The following MAML2 variants were observed in gnomAD, a reference collection of about 807,000 sequenced individuals.
The protein encoded by MAML2 is mastermind-like protein 2.
A neutral mutation model predicts 96.1 loss-of-function variants in MAML2; 22 were observed. The observed-to-expected ratio is 0.23, with a 90% CI of 0.16 to 0.33. The LOEUF (loss-of-function observed/expected upper bound fraction) is 0.33. MAML2 is among the 10% of genes least tolerant of loss of function. MAML2 has a pLI of 1.00. For synonymous variants in MAML2, 561 were observed against 521.3 expected (o/e 1.08, Z -1.04); for missense variants, 1,367 against 1,392.4 (o/e 0.98, Z 0.29).
intron 1 of MAML2, among the ~76,000 whole-genome samples, chr11:96,101,688 A>G (rs956571020): frequency 2.6e-5 from 4 of 152,208 alleles, no homozygotes; most frequent in Non-Finnish European, 5.9e-5. Flanking sequence ...GCAGAGCTCC[A>G]TCACCGGCAG....
intron 1 of MAML2, among the ~76,000 whole-genome samples, chr11:96,275,891 G>A (rs894595381): frequency 1.3e-5 from 2 of 152,146 alleles, no homozygotes; most frequent in Non-Finnish European, 1.5e-5. Flanking sequence ...ATGGGTAAGA[G>A]CTAAATATTT....
At chr11:96,306,294 A>G (rs1464230949) in intron 1 of MAML2, among the ~76,000 whole-genome samples, 1 of 152,216 alleles carries the variant, frequency 6.6e-6, no homozygotes, top group Non-Finnish European at 1.5e-5. Context: ...GTTCCCTGGA[A>G]TGGATCAAAA....
intron 1 of MAML2, among the ~76,000 whole-genome samples, chr11:96,146,769 T>G (rs1470976905): frequency 6.6e-6 from 1 of 152,162 alleles, no homozygotes; most frequent in East Asian, 1.9e-4. Flanking sequence ...CTATTGACAG[T>G]TGTTCATTTG....
At chr11:96,162,783 C>T (rs1861133364) in intron 1 of MAML2, among the ~76,000 whole-genome samples, 1 of 151,394 alleles carries the variant, frequency 6.6e-6, no homozygotes, top group Non-Finnish European at 1.5e-5. Context: ...TACAGTTGAG[C>T]TTAACTACCC....
intron 1 of MAML2, among the ~76,000 whole-genome samples, chr11:96,296,886 A>T (rs1259483469): frequency 1.3e-5 from 2 of 152,230 alleles, no homozygotes; most frequent in Non-Finnish European, 2.9e-5. Context: ...TTCACAGATG[A>T]AGAAACACAG....
intron 1 of MAML2, among the ~76,000 whole-genome samples, chr11:96,158,922 A>G (rs1861053596): frequency 6.6e-6 from 1 of 152,152 alleles, no homozygotes; most frequent in Non-Finnish European, 1.5e-5. Flanking sequence ...AAAATCCCAA[A>G]AGGTGTGCCT....
intron 1 of MAML2, among the ~76,000 whole-genome samples, chr11:96,288,567 A>C (rs2135990474): frequency 6.6e-6 from 1 of 151,436 alleles, no homozygotes; most frequent in East Asian, 1.9e-4. Context: ...AAAAACAACC[A>C]AAAACAGATA....
intron 1 of MAML2, among the ~76,000 whole-genome samples, chr11:96,185,628 G>A (rs757942821): frequency 1.1e-4 from 16 of 152,204 alleles, no homozygotes; most frequent in Non-Finnish European, 2.1e-4. Flanking sequence ...TGCAAGAAAT[G>A]CTGACTCTCA....
intron 2 of MAML2, among the ~76,000 whole-genome samples, chr11:96,034,071 C>A (rs574550164): frequency 2.0e-5 from 3 of 152,164 alleles, no homozygotes; most frequent in Non-Finnish European, 4.4e-5. Flanking sequence ...GGGGAAAGAA[C>A]AACGTTCCTT....
intron 1 of MAML2, among the ~76,000 whole-genome samples, chr11:96,337,959 G>T (rs1298157597): frequency 6.6e-6 from 1 of 152,190 alleles, no homozygotes; most frequent in Non-Finnish European, 1.5e-5. Context: ...TGATCCAGCA[G>T]GCACAAAACC....
intron 2 of MAML2, among the ~76,000 whole-genome samples, chr11:96,038,611 G>T (rs189357698): frequency 1.9e-4 from 29 of 152,320 alleles, no homozygotes; most frequent in Admixed American, 1.9e-3. Context: ...CATGGTATTT[G>T]TATTTGCTGT....
intron 1 of MAML2, among the ~76,000 whole-genome samples, chr11:96,135,017 T>C (rs1278330503): frequency 6.6e-6 from 1 of 152,246 alleles, no homozygotes; most frequent in Non-Finnish European, 1.5e-5. Context: ...AGCAACATGC[T>C]ATGGTTTGAA....
chr11:96,279,431 A>G (rs1483440724), intron 1 of MAML2, among the ~76,000 whole-genome samples: 1 of 152,222 alleles, frequency 6.6e-6, no homozygotes, highest in Non-Finnish European at 1.5e-5. Context: ...CCTTTTGTTC[A>G]TTCTTACATT....
At chr11:96,145,200 A>C (rs1013256429) in intron 1 of MAML2, among the ~76,000 whole-genome samples, 8 of 152,212 alleles carry the variant, frequency 5.3e-5, no homozygotes, top group African/African-American at 9.6e-5. Context: ...CTAAGACCAG[A>C]GTCCAGCTTC....
At chr11:96,069,954 G>T (rs1210795445) in intron 2 of MAML2, among the ~76,000 whole-genome samples, 1 of 151,244 alleles carries the variant, frequency 6.6e-6, no homozygotes, top group African/African-American at 2.4e-5. Flanking sequence ...AACCTGAGAG[G>T]CGGAGGTTGC....
intron 2 of MAML2, among the ~76,000 whole-genome samples, chr11:96,024,439 C>G (rs1404177347): frequency 6.6e-6 from 1 of 152,220 alleles, no homozygotes; most frequent in African/African-American, 2.4e-5. Context: ...CTGTAAAGTT[C>G]TAAACAAATG....
chr11:95,982,563 A>C (rs1291482876), intron 4 of MAML2, among the ~76,000 whole-genome samples: 1 of 152,166 alleles, frequency 6.6e-6, no homozygotes, highest in East Asian at 1.9e-4. Flanking sequence ...GGAAAGATAA[A>C]AGATGCTTGA....
At chr11:96,292,757 T>C (rs1329758029) in intron 1 of MAML2, among the ~76,000 whole-genome samples, 1 of 152,238 alleles carries the variant, frequency 6.6e-6, no homozygotes, top group Non-Finnish European at 1.5e-5. Flanking sequence ...GGCATTGCTA[T>C]ATGGCTATCA....
intron 2 of MAML2, among the ~76,000 whole-genome samples, chr11:96,059,841 C>G (rs147661521): frequency 2.6e-5 from 4 of 152,222 alleles, no homozygotes; most frequent in Non-Finnish European, 4.4e-5. Flanking sequence ...TTCCTAGTCA[C>G]GAAGTACTTA....
Sources: gnomAD v4.1 joint callset for allele counts (sites outside exome capture counted in the v4.1 genomes callset) on GRCh38, gnomAD v4.1.1 for gene constraint, MANE v1.5 for transcripts, NCBI Gene and HGNC (gene_info 2026-07-23, HGNC 2026-07-21) for gene names.